Variants in PARVA observed in about 807,000 individuals in gnomAD.
PARVA encodes parvin alpha.
PARVA carries 25 observed loss-of-function variants against 52.6 expected under a neutral mutation model. That is an observed-to-expected ratio of 0.48 (90% CI 0.35 to 0.66). The LOEUF is 0.66. PARVA is among the 30% of genes least tolerant of loss of function. The pLI is 0.01. For synonymous variants in PARVA, 185 were observed against 179.1 expected, an observed-to-expected ratio of 1.03 and a Z score of -0.26; for missense variants, 373 against 450.9, an observed-to-expected ratio of 0.83 and a Z score of 1.56.
At chr11:12,526,527 G>A in intron 12 of PARVA, among the ~76,000 whole-genome samples, 1 of 152,082 alleles carries the variant, frequency 6.6e-6, no homozygotes. Flanking sequence ...AAATGTACAG[G>A]TTAGTGAACT....
intron 10 of PARVA, among the ~76,000 whole-genome samples, chr11:12,516,134 C>T (rs897900322): frequency 8.5e-5 from 13 of 152,238 alleles, no homozygotes; most frequent in Admixed American, 2.6e-4. Flanking sequence ...CCACCGCACT[C>T]GGCCAGAAGC....
At chr11:12,377,457 C>T (rs771555915), upstream of PARVA, 73 of 1,402,056 alleles carry the variant, frequency 5.2e-5, no homozygotes, top group Non-Finnish European at 6.3e-5. Flanking sequence ...CCTTCCAGGG[C>T]AGAGGGCGGC....
intron 5 of PARVA, among the ~76,000 whole-genome samples, chr11:12,497,677 TGAGGGCAGGAG>T (rs968604330): frequency 6.6e-6 from 1 of 152,128 alleles, no homozygotes; most frequent in African/African-American, 2.4e-5. Context: ...GGGAGACACC[TGAGGGCAGGAG>T]GAGGGGAGGC....
At chr11:12,488,912 A>G (rs746452215) in intron 4 of PARVA, among the ~76,000 whole-genome samples, 4 of 152,210 alleles carry the variant, frequency 2.6e-5, no homozygotes, top group Non-Finnish European at 2.9e-5. Context: ...TTAAAATTCC[A>G]AGGAATATGA....
At position 12,534,593 on chromosome 11, in the gene PARVA, T is replaced by C. The variant is rs1304887463; in HGVS notation, c.*6668T>C. ...CATGTTTTCACATCTTGAGATGCAA[T>C]TTGTTAGCACAGGCTGTCATTCCAA... On this transcript the variant is annotated 3_prime_UTR_variant, in exon 13 of 13. Coordinates refer to ENST00000334956, the MANE Select transcript of PARVA (RefSeq NM_018222.5). Among the ~76,000 whole-genome samples, 3 of 152,236 alleles carry C rather than the reference T, an allele frequency of 2.0e-5. No homozygotes were observed. Among genetic ancestry groups the C allele is most frequent in the African/African-American group, 4.8e-5 (2 of 41,466 alleles).
Position 12,518,527 on chromosome 11 carries a change from T to C in PARVA, c.1042+10T>C. On this transcript the variant is annotated intron_variant, in intron 12 of 12. Coordinates refer to ENST00000334956, the MANE Select transcript of PARVA (RefSeq NM_018222.5). ...AAACCGCGGCCAGAAGGTACTTTGC[T>C]CTTTCCTGGGTTTGTGACAACAGAG... The C allele has an allele frequency of 1.9e-6, 3 of 1,606,612 alleles. No homozygotes were observed. The highest frequency in any genetic ancestry group is 2.6e-6 in the Non-Finnish European group (3 of 1,174,166).
chr11:12,403,596 T>C (rs1939860428), intron 1 of PARVA, among the ~76,000 whole-genome samples: 2 of 152,244 alleles, frequency 1.3e-5, no homozygotes, highest in Admixed American at 6.5e-5. Flanking sequence ...TAAGCCGGTT[T>C]CTTTATATTC....
chr11:12,515,499 T>C (rs1041233417), intron 10 of PARVA, among the ~76,000 whole-genome samples: 3 of 151,834 alleles, frequency 2.0e-5, no homozygotes, highest in African/African-American at 4.8e-5. Flanking sequence ...ATGACAGGGG[T>C]CACTGCCAAG....
chr11:12,409,003 G>A (rs955432858), intron 1 of PARVA, among the ~76,000 whole-genome samples: 1 of 152,288 alleles, frequency 6.6e-6, no homozygotes, highest in Non-Finnish European at 1.5e-5. Context: ...GCTGAAGCAC[G>A]GAGGACCTGG....
chr11:12,387,731 C>A (rs921712222), intron 1 of PARVA, among the ~76,000 whole-genome samples: 33 of 59,434 alleles, frequency 5.6e-4, no homozygotes, highest in African/African-American at 2.1e-3. Context: ...GCAGTGAGCC[C>A]GGAGGAGGCC....
chr11:12,514,928 T>G (rs1941549891), intron 10 of PARVA, among the ~76,000 whole-genome samples: 1 of 152,260 alleles, frequency 6.6e-6, no homozygotes, highest in African/African-American at 2.4e-5. Flanking sequence ...GAACAACTCC[T>G]CGGCCTTTCT....
chr11:12,436,942 T>G (rs1015642188), intron 1 of PARVA, among the ~76,000 whole-genome samples: 4 of 152,178 alleles, frequency 2.6e-5, no homozygotes, highest in African/African-American at 9.7e-5. Context: ...GGAAACTTTT[T>G]TGTGTGTTGA....
At chr11:12,410,739 C>T (rs1369121073) in intron 1 of PARVA, among the ~76,000 whole-genome samples, 1 of 152,196 alleles carries the variant, frequency 6.6e-6, no homozygotes, top group Non-Finnish European at 1.5e-5. Context: ...CTGAGGATCC[C>T]TTCTTCTCCC....
intron 4 of PARVA, among the ~76,000 whole-genome samples, chr11:12,493,330 T>C (rs1941255973): frequency 6.9e-6 from 1 of 145,754 alleles, no homozygotes; most frequent in South Asian, 2.3e-4. Flanking sequence ...CACTCCAGCT[T>C]GGGCAACATA....
At chr11:12,495,787 C>T (rs567463344) in intron 4 of PARVA, among the ~76,000 whole-genome samples, 3 of 152,234 alleles carry the variant, frequency 2.0e-5, no homozygotes, top group African/African-American at 7.2e-5. Context: ...TGAAGGTGCT[C>T]ATGTAGGCTT....
rs1167313104 is a variant in PARVA, at chr11:12,531,407, T to A, written c.*3482T>A. Among the ~76,000 whole-genome samples, 2 of 152,178 alleles carry A rather than the reference T, an allele frequency of 1.3e-5. No homozygotes were observed. The highest frequency in any genetic ancestry group is 2.9e-5 in the Non-Finnish European group (2 of 68,038). On this transcript the variant is annotated 3_prime_UTR_variant, in exon 13 of 13. Transcript: ENST00000334956. The stretch of plus-strand genomic sequence containing the variant: ...ACTTGAAGCTTATTTGCATCAACAG[T>A]ATTCTGGAGCTGTAATTTTTCAATA...
chr11:12,496,340 T>TTCCAAGAGTGCATGCA, intron 4 of PARVA, 118 bp from the exon 5 acceptor site: 1 of 394,068 alleles, frequency 2.5e-6, no homozygotes. Context: ...GTATCTATTG[T>TTCCAAGAGTGCATGCA]TGCAAGAGTG....
chr11:12,496,616 A>C lies in PARVA; in HGVS notation c.541+18A>C. On this transcript the variant is annotated intron_variant, in intron 5 of 12. Transcript: ENST00000334956. ...TGTGGATTGTGAGTTGAACAAAGGA[A>C]AGGGGCACCATTAAACAATGCCTGT... The C allele has an allele frequency of 6.2e-7, 1 of 1,608,266 alleles. No individual in the cohort carries two copies. Among genetic ancestry groups the C allele is most frequent in the Non-Finnish European group, 8.5e-7 (1 of 1,177,420 alleles).
chr11:12,464,731 G>A (rs7123621), intron 1 of PARVA, among the ~76,000 whole-genome samples: 17,221 of 152,026 alleles, frequency 0.11, 1,027 homozygotes, highest in East Asian at 0.21. Flanking sequence ...AATATTTGTC[G>A]CCTCTGAAAC....
Sources: allele counts gnomAD v4.1 joint callset (sites outside exome capture counted in the v4.1 genomes callset), GRCh38; gene constraint gnomAD v4.1.1; transcripts MANE v1.5; gene names NCBI Gene and HGNC (gene_info 2026-07-23, HGNC 2026-07-21).